AMPD3: variants seen among roughly 807,000 people sequenced by gnomAD.
The protein encoded by AMPD3 is adenosine monophosphate deaminase 3.
Under a neutral mutation model 82.3 loss-of-function variants are expected in AMPD3, and 57 were observed. That is an observed-to-expected ratio of 0.69 (90% CI 0.56 to 0.86). The LOEUF (loss-of-function observed/expected upper bound fraction) is 0.86, where lower values mean the gene tolerates loss of function less well. Ranked by LOEUF, AMPD3 falls within the 40% of genes least tolerant of loss-of-function variation. AMPD3 has a pLI of 0.00. For missense variants in AMPD3, 870 were observed against 1,003.8 expected, an observed-to-expected ratio of 0.87 and a Z score of 1.80; for synonymous variants, 381 against 394.7, an observed-to-expected ratio of 0.97 and a Z score of 0.41.
chr11:10,477,524 A>G (rs1377366511), intron 2 of AMPD3, among the ~76,000 whole-genome samples: 6 of 152,218 alleles, frequency 3.9e-5, no homozygotes, highest in Non-Finnish European at 8.8e-5. Context: ...TGAGGAAGGT[A>G]GAGTCATCAC....
intron 3 of AMPD3, among the ~76,000 whole-genome samples, chr11:10,480,801 G>T (rs2133884022): frequency 6.6e-6 from 1 of 152,254 alleles, no homozygotes; most frequent in Middle Eastern, 3.4e-3. Context: ...AAGCAGAGGA[G>T]ATCACTTTCA....
At chr11:10,463,350 C>T (rs1848326697) in intron 2 of AMPD3, among the ~76,000 whole-genome samples, 1 of 152,206 alleles carries the variant, frequency 6.6e-6, no homozygotes, top group African/African-American at 2.4e-5. Flanking sequence ...AGGCAGGAGT[C>T]ACTGGTGCCA....
intron 1 of AMPD3, among the ~76,000 whole-genome samples, chr11:10,460,527 C>G (rs776040107): frequency 6.6e-6 from 1 of 151,916 alleles, no homozygotes; most frequent in Non-Finnish European, 1.5e-5. Context: ...TTGCCTCAGC[C>G]TCCTGAGCAG....
chr11:10,493,633 C>A (rs577727889), intron 7 of AMPD3, 90 bp downstream of exon 7: 31 of 1,443,930 alleles, frequency 2.1e-5, no homozygotes, highest in Non-Finnish European at 6.7e-6. Context: ...TTGTGCTTGC[C>A]GGGAGGTGCT....
At chr11:10,505,082 A>G (rs923248490) in intron 14 of AMPD3, 1 of 982,788 alleles carries the variant, frequency 1.0e-6, no homozygotes, top group Non-Finnish European at 1.2e-6. Flanking sequence ...GGCGCTCAAT[A>G]TTTCTTGAAT....
chr11:10,500,091 G>A lies in AMPD3; in HGVS notation c.1563G>A (p.Thr521=), dbSNP rs1239228898. The change falls in exon 11 of 15, where the codon ACG becomes ACA. Residue 521 remains threonine, a synonymous_variant. Transcript: ENST00000396553. ...TCAGGACCTCTCCTGCCCAGGTGAC[G>A]GGGTTTGACAGCGTGGATGATGAGT... The part of the protein sequence containing the change: ...RELHLFLKYV[T]GFDSVDDESK... 4.3e-6 allele frequency: 7 copies of A among 1,614,148 alleles called. No individual in the cohort carries two copies. Among genetic ancestry groups the A allele is most frequent in the South Asian group, 1.1e-5 (1 of 91,078 alleles).
intron 3 of AMPD3, among the ~76,000 whole-genome samples, chr11:10,480,569 A>G (rs891060002): frequency 7.2e-5 from 11 of 152,190 alleles, no homozygotes; most frequent in African/African-American, 2.7e-4. Context: ...GTATAAAAAC[A>G]TGCATAGGAA....
intron 9 of AMPD3, chr11:10,496,549 A>T: frequency 1.0e-6 from 1 of 985,370 alleles, no homozygotes. Flanking sequence ...CCAGAATGCC[A>T]CCATCCCATT....
intron 1 of AMPD3, chr11:10,461,045 G>A (rs1848254287): frequency 8.7e-7 from 1 of 1,147,288 alleles, no homozygotes; most frequent in Admixed American, 4.4e-5. Context: ...GATTTCCCAG[G>A]GCTCTGCTGT....
At chr11:10,460,092 T>TA (rs1190202454) in intron 1 of AMPD3, among the ~76,000 whole-genome samples, 1 of 145,258 alleles carries the variant, frequency 6.9e-6, no homozygotes, top group African/African-American at 2.5e-5. Flanking sequence ...TTTATATATA[T>TA]ATATATATTT....
At chr11:10,498,284 T>C (rs763645838) in intron 10 of AMPD3, 1 of 152,412 alleles carries the variant, frequency 6.6e-6, no homozygotes, top group South Asian at 2.1e-4. Context: ...GAGTCTAGGA[T>C]GCCTCCCAGG....
intron 2 of AMPD3, chr11:10,473,488 G>A: frequency 6.1e-6 from 6 of 985,264 alleles, no homozygotes; most frequent in Non-Finnish European, 7.2e-6. Context: ...GGAGAAAGAA[G>A]GGGCAGGTTT....
At position 10,472,057 on chromosome 11, in the gene AMPD3, A is replaced by C. The variant is rs565198115; in HGVS notation, c.222-6469A>C. Among the ~76,000 whole-genome samples, 3 of 152,364 alleles carry C rather than the reference A, an allele frequency of 2.0e-5. No homozygotes were observed. In the South Asian group the frequency reaches 6.2e-4, roughly 32 times the overall value. ...TTGGAACCCACCCAAATGTCCATCA[A>C]TGATAGACTGGATAAAGAAAATATG... is the stretch of plus-strand genomic sequence containing the variant. On this transcript the variant is annotated intron_variant, in intron 2 of 14. Coordinates refer to ENST00000396553, the MANE Select transcript of AMPD3 (RefSeq NM_001025389.2).
chr11:10,494,121 T>C (rs1284195477), intron 7 of AMPD3, among the ~76,000 whole-genome samples: 1 of 152,236 alleles, frequency 6.6e-6, no homozygotes, highest in Non-Finnish European at 1.5e-5. Flanking sequence ...AAATGTGGTA[T>C]ATCCATACAA....
intron 2 of AMPD3, among the ~76,000 whole-genome samples, chr11:10,469,549 C>A (rs1244856408): frequency 6.6e-6 from 1 of 152,180 alleles, no homozygotes; most frequent in East Asian, 1.9e-4. Context: ...AGATTCACAG[C>A]CAAATTCTAC....
At chr11:10,471,506 G>A (rs1199907510) in intron 2 of AMPD3, among the ~76,000 whole-genome samples, 11 of 152,206 alleles carry the variant, frequency 7.2e-5, no homozygotes, top group Non-Finnish European at 1.6e-4. Flanking sequence ...TACCATCAGA[G>A]TGAATAGGCA....
At chr11:10,488,234 CT>C in intron 6 of AMPD3, 1 of 985,476 alleles carries the variant, frequency 1.0e-6, no homozygotes, top group Non-Finnish European at 1.2e-6. Flanking sequence ...TTTCCATTCT[CT>C]TTTGCTGAAG....
intron 1 of AMPD3, chr11:10,461,126 A>T: frequency 1.7e-6 from 2 of 1,193,752 alleles, no homozygotes; most frequent in Non-Finnish European, 2.1e-6. Context: ...TGTTGCAGCT[A>T]TAACAGTATC....
rs755221321 is a variant in AMPD3, at chr11:10,500,210, A to G, written c.1682A>G (p.Tyr561Cys). The change falls in exon 11 of 15, where the codon TAC becomes TGC. Residue 561 changes from tyrosine to cysteine, a missense_variant. Physicochemically the swap from Tyr to Cys is radical, Grantham distance 194 (BLOSUM62 -2). Transcript: ENST00000396553. ...QNPPYSYYLY[Y>C]MYANIMVLNN... ...CCACCCTACAGCTACTACCTGTACT[A>G]CATGTATGCCAACATCATGGTGCTC... 1 of 1,614,210 alleles carries G rather than the reference A, an allele frequency of 6.2e-7. No individual in the cohort carries two copies. The highest frequency in any genetic ancestry group is 1.7e-5 in the Admixed American group (1 of 60,030).
Sources: allele counts gnomAD v4.1 joint callset (sites outside exome capture counted in the v4.1 genomes callset), GRCh38; gene constraint gnomAD v4.1.1; transcripts MANE v1.5; gene names NCBI Gene and HGNC (gene_info 2026-07-23, HGNC 2026-07-21).